TPM1: variants seen among roughly 807,000 people sequenced by gnomAD.
The protein encoded by TPM1 is tropomyosin 1, also known as tropomyosin alpha-1 chain.
A neutral mutation model predicts 42.9 loss-of-function variants in TPM1; 24 were observed. The observed-to-expected ratio is 0.56, with a 90% CI of 0.41 to 0.79. The LOEUF is 0.79. Ranked by LOEUF, TPM1 falls within the 30% of genes least tolerant of loss-of-function variation. TPM1 has a pLI of 0.00. For synonymous variants in TPM1, 136 were observed against 130.1 expected (o/e 1.05, Z -0.31); for missense variants, 158 against 351.8 (o/e 0.45, Z 4.41).
At chr15:63,069,809 A>G (rs2036503751), downstream of TPM1, 2 of 1,609,200 alleles carry the variant, frequency 1.2e-6, no homozygotes, top group African/African-American at 2.7e-5. Context: ...CCTCTCACCA[A>G]GTCTGCTAAC....
At chr15:63,043,994 C>A (rs773013037) in intron 1 of TPM1, 33 bp from the exon 2 acceptor site, 3 of 1,607,836 alleles carry the variant, frequency 1.9e-6, no homozygotes, top group Non-Finnish European at 2.5e-6. Flanking sequence ...GCTGCACCCC[C>A]CTCCCTCCCT....
chr15:63,046,048 G>A (rs560743540), intron 2 of TPM1: 1 of 152,268 alleles, frequency 6.6e-6, no homozygotes, highest in East Asian at 1.9e-4. Context: ...TGTGTCGTTA[G>A]GTGATTTATT....
At chr15:63,053,219 C>A (rs910034409) in intron 2 of TPM1, among the ~76,000 whole-genome samples, 3 of 152,194 alleles carry the variant, frequency 2.0e-5, no homozygotes, top group African/African-American at 7.2e-5. Flanking sequence ...TTGTGATAAT[C>A]ACTTTAGCAG....
chr15:63,064,970 A>C, intron 9 of TPM1: 1 of 982,370 alleles, frequency 1.0e-6, no homozygotes, highest in Non-Finnish European at 1.2e-6. Context: ...CTGTCTCAAG[A>C]AAAAAAAGAA....
At chr15:63,061,637 C>G in intron 5 of TPM1, 76 bp from the exon 6 acceptor site, 1 of 1,387,706 alleles carries the variant, frequency 7.2e-7, no homozygotes, top group Non-Finnish European at 1.0e-6. Context: ...TTCATTTTTT[C>G]CCATCCCTCT....
rs549440287 is a variant in TPM1 at position 63,044,405 on chromosome 15, G to A, written c.240+253G>A. On this transcript the variant is annotated intron_variant, in intron 2 of 9. Transcript: ENST00000403994. ...GTGGAGGTGGGTGGATGAGAGGCTG[G>A]GAGAATAGAGCAGCTGAAATTGGAC... 2.1e-4 allele frequency: 133 copies of A among 628,652 alleles called. 1 individual carries two copies. The South Asian group carries it at 2.5e-3, about 12-fold the overall frequency. The allele number at this position is 628,652 out of a possible 1,614,324, so 38.9% of individuals were successfully genotyped here. A position where few individuals can be genotyped will look rare whatever the true frequency, so the allele number is the denominator to read the frequency against.
downstream of TPM1, chr15:63,070,222 AAAT>A: frequency 8.2e-7 from 1 of 1,216,808 alleles, no homozygotes. Context: ...TTGAACTGAT[AAAT>A]AATGAGGAGC....
intron 5 of TPM1, chr15:63,061,458 TG>T (rs1040685915): frequency 1.3e-6 from 1 of 762,436 alleles, no homozygotes; most frequent in Non-Finnish European, 2.2e-6. Flanking sequence ...AAATGCTCTT[TG>T]GGCAGCCAAA....
At chr15:63,061,897 T>G (rs2035689340) in intron 6 of TPM1, 109 bp downstream of exon 6, 2 of 988,230 alleles carry the variant, frequency 2.0e-6, no homozygotes, top group Non-Finnish European at 3.1e-6. Context: ...ATGGCAATAT[T>G]GTGAGGTGAT....
At chr15:63,070,031 G>T, downstream of TPM1, 2 of 1,593,126 alleles carry the variant, frequency 1.3e-6, no homozygotes, top group Non-Finnish European at 1.7e-6. Flanking sequence ...AACTAATAGA[G>T]TTGAAAACAG....
downstream of TPM1, chr15:63,069,719 A>G (rs2036498108): frequency 2.1e-6 from 2 of 937,308 alleles, no homozygotes; most frequent in South Asian, 2.7e-5. Flanking sequence ...AGGACAGGTG[A>G]CTATGGGGTA....
At position 63,054,469 on chromosome 15, in the gene TPM1, C is replaced by T. The variant is rs572799841; in HGVS notation, c.241-2516C>T. On this transcript the variant is annotated intron_variant, in intron 2 of 9. Coordinates refer to ENST00000403994, the MANE Select transcript of TPM1 (RefSeq NM_001018005.2). ...ATCTCATGTGCAAGGCTGGAATGAA[C>T]ATGAGGTGCTGTTTCCTTCCTTTCT... 4 of 152,346 alleles carry T rather than the reference C, an allele frequency of 2.6e-5. No individual in the cohort carries two copies. In the East Asian group the frequency reaches 7.7e-4, roughly 29 times the overall value. The allele number at this position is 152,346 out of a possible 1,614,324, so 9.4% of individuals were successfully genotyped here.
intron 2 of TPM1, 34 bp downstream of exon 2, chr15:63,044,186 T>C (rs772955987): frequency 1.9e-6 from 3 of 1,613,934 alleles, no homozygotes; most frequent in Admixed American, 1.7e-5. Flanking sequence ...CCCTCACCTC[T>C]TGCCTGCGTG....
At chr15:63,046,378 C>A (rs1490123817) in intron 2 of TPM1, 2 of 152,150 alleles carry the variant, frequency 1.3e-5, no homozygotes, top group Admixed American at 6.5e-5. Flanking sequence ...GGGAGAAGTC[C>A]GGTAAGGGAG....
At position 63,043,699 on chromosome 15, in the gene TPM1, C is replaced by T. The variant is rs996390282; in HGVS notation, c.115-328C>T. On this transcript the variant is annotated intron_variant, in intron 1 of 9. Coordinates refer to ENST00000403994, the MANE Select transcript of TPM1 (RefSeq NM_001018005.2). ...GGCCGCCCGCGCCCGCCCGCCGCTG[C>T]CCCCAGCTCGAGGAGGACATCGCGG... 5 of 1,544,854 alleles carry T rather than the reference C, an allele frequency of 3.2e-6. No individual in the cohort carries two copies. The South Asian group carries it at 3.6e-5, about 11-fold the overall frequency.
At chr15:63,065,846 T>TTCTC in intron 9 of TPM1, 50 bp from the exon 10 acceptor site, 1 of 1,572,820 alleles carries the variant, frequency 6.4e-7, no homozygotes, top group Admixed American at 1.8e-5. Flanking sequence ...TTTTTTTTTT[T>TTCTC]TCTCATTGTG....
Position 63,064,137 on chromosome 15 carries a change from T to G in TPM1, c.846T>G (p.Thr282=). Residue 282 remains threonine (T), a synonymous_variant, in exon 9 of 10, where the codon ACT becomes ACG. Transcript: ENST00000403994. ...EELDHALNDM[T]SI ...TGGACCACGCTCTCAACGATATGAC[T>G]TCCATGTAAACGTTCATCCACTCTG... 4 of 1,613,840 alleles carry G rather than the reference T, an allele frequency of 2.5e-6. No homozygotes were observed. The highest frequency in any genetic ancestry group is 2.5e-6 in the Non-Finnish European group (3 of 1,179,926).
chr15:63,050,257 ACAT>A (rs1367186247), intron 2 of TPM1, among the ~76,000 whole-genome samples: 2 of 152,218 alleles, frequency 1.3e-5, no homozygotes, highest in East Asian at 3.9e-4. Flanking sequence ...TCATTTCATG[ACAT>A]CATAAAACAC....
At chr15:63,048,218 A>G in intron 2 of TPM1, 1 of 469,486 alleles carries the variant, frequency 2.1e-6, no homozygotes. Flanking sequence ...TAGAAGTGGA[A>G]GCCAGAGCCC....
Sources: gnomAD v4.1 joint callset for allele counts (sites outside exome capture counted in the v4.1 genomes callset) on GRCh38, gnomAD v4.1.1 for gene constraint, MANE v1.5 for transcripts, NCBI Gene and HGNC (gene_info 2026-07-23, HGNC 2026-07-21) for gene names.